The following RUNDC3A variants were observed in gnomAD, a reference collection of about 807,000 sequenced individuals.
RUNDC3A encodes RUN domain-containing protein 3A.
In RUNDC3A, 28 loss-of-function variants were observed where a neutral mutation model predicts 53.9. The observed-to-expected ratio is 0.52, with a 90% CI of 0.38 to 0.71. The LOEUF is 0.71. Among genes scored for constraint, RUNDC3A ranks in the 30% least tolerant of loss-of-function variants. RUNDC3A has a pLI of 0.00. For missense variants in RUNDC3A, 491 were observed against 597.3 expected, an observed-to-expected ratio of 0.82 and a Z score of 1.85; for synonymous variants, 232 against 249.4, an observed-to-expected ratio of 0.93 and a Z score of 0.66.
rs1021835050 is a variant in RUNDC3A, at chr17:44,308,889, G to A, written c.57G>A (p.Ala19=). Reference sequence around the variant, plus strand: ...CTCTGGGGCTGTCCTCCAAGAAAGCGTCCTCTCGCAACGTGGCTGTGGAGC... The same window carrying A: ...CTCTGGGGCTGTCCTCCAAGAAAGCATCCTCTCGCAACGTGGCTGTGGAGC... ...TMALGLSSKK[A]SSRNVAVERK... The change falls in exon 1 of 11, where the codon GCG becomes GCA. Residue 19 remains alanine (A), a synonymous_variant. Coordinates refer to ENST00000426726, the MANE Select transcript of RUNDC3A (RefSeq NM_001144825.2). 1 of 1,611,876 alleles carries A rather than the reference G, an allele frequency of 6.2e-7. No individual in the cohort carries two copies. Among genetic ancestry groups the A allele is most frequent in the Non-Finnish European group, 8.5e-7 (1 of 1,178,944 alleles).
At chr17:44,317,498 A>G in intron 10 of RUNDC3A, 1 of 780,886 alleles carries the variant, frequency 1.3e-6, no homozygotes, top group South Asian at 1.3e-5. Context: ...GCTCAGAGCC[A>G]AATTAGTGGC....
In RUNDC3A at chr17:44,308,857, A is replaced by T. The variant is rs1285107311; in HGVS notation, c.25A>T (p.Thr9Ser). 6 of 1,610,910 alleles carry T rather than the reference A, an allele frequency of 3.7e-6. No individual in the cohort carries two copies. Among genetic ancestry groups the T allele is most frequent in the African/African-American group, 1.3e-5 (1 of 74,770 alleles). Residue 9 changes from threonine (T) to serine (S), a missense_variant, in exon 1 of 11, where the codon ACC becomes TCC. Physicochemically the swap from Thr to Ser is moderately conservative, Grantham distance 58. This residue lies in a region of RUNDC3A where 273 missense variants were observed against 389.0 expected (regional missense o/e 0.70). Transcript: ENST00000426726. ...GATGGAAGCGAGCTTTGTCCAGACCACCATGGCTCTGGGGCTGTCCTCCAA... is the reference window on the plus strand; with the variant it reads ...GATGGAAGCGAGCTTTGTCCAGACCTCCATGGCTCTGGGGCTGTCCTCCAA... MEASFVQT[T>S]MALGLSSKKA...
chr17:44,308,751 C>T lies in RUNDC3A; in HGVS notation c.-82C>T. 3 of 945,738 alleles carry T rather than the reference C, an allele frequency of 3.2e-6. No individual in the cohort carries two copies. The highest frequency in any genetic ancestry group is 4.7e-6 in the Non-Finnish European group (3 of 642,266). 58.6% of individuals were successfully genotyped at this position (945,738 alleles called of 1,614,324 possible). ...GAGGGGCCCCGTCGGACAGAGGGCC[C>T]AGCCGTGATCCAGCGACGGGTTTGG... On this transcript the variant is annotated 5_prime_UTR_variant, in exon 1 of 11. An upstream open reading frame in the 5' UTR gains an earlier in-frame stop. Coordinates refer to ENST00000426726, the MANE Select transcript of RUNDC3A (RefSeq NM_001144825.2).
intron 10 of RUNDC3A, 21 bp from the exon 11 acceptor site, chr17:44,318,075 T>A (rs1275666830): frequency 1.0e-5 from 16 of 1,548,440 alleles, no homozygotes; most frequent in Admixed American, 2.0e-5. Context: ...TCGCTTGGCC[T>A]CACCTGCCCT....
intron 4 of RUNDC3A, 36 bp from the exon 5 acceptor site, chr17:44,314,699 G>A (rs2047821281): frequency 1.3e-6 from 2 of 1,566,326 alleles, no homozygotes; most frequent in Non-Finnish European, 1.7e-6. Flanking sequence ...CGCTCCAGGG[G>A]CCTGCTGCAT....
At chr17:44,317,387 A>G (rs917860494) in intron 10 of RUNDC3A, 5 of 767,404 alleles carry the variant, frequency 6.5e-6, no homozygotes, top group Middle Eastern at 2.3e-4. Flanking sequence ...GGGGGCTCAC[A>G]AACTCTCGGG....
Position 44,315,232 on chromosome 17 carries a change from C to G in RUNDC3A, c.707C>G (p.Pro236Arg). 8.4e-6 allele frequency: 13 copies of G among 1,551,294 alleles called. No homozygotes were observed. Among genetic ancestry groups the G allele is most frequent in the Non-Finnish European group, 1.1e-5 (13 of 1,147,114 alleles). The change falls in exon 7 of 11, where the codon CCG becomes CGG. Residue 236 changes from proline to arginine, a missense_variant. Pro to Arg is a moderately radical substitution (Grantham distance 103). This residue lies in a region of RUNDC3A where 273 missense variants were observed against 389.0 expected (regional missense o/e 0.70). Coordinates refer to ENST00000426726, the MANE Select transcript of RUNDC3A (RefSeq NM_001144825.2). This position sits in a 1 kb window ranked among gnomAD's most constrained non-coding sequence, Gnocchi z 6.1. Reference protein sequence around the residue: ...STSEDNSPEHPYLPLVTDEDS... With the variant: ...STSEDNSPEHRYLPLVTDEDS... ...AGCGAGGACAACTCGCCCGAGCACC[C>G]GTACCTCCCGCTCGTCACCGATGAG... is the stretch of plus-strand genomic sequence containing the variant.
rs983953885 is a variant in RUNDC3A, at chr17:44,315,360, G to A, written c.795+40G>A. 31 of 1,309,234 alleles carry A rather than the reference G, an allele frequency of 2.4e-5. No individual in the cohort carries two copies. In the African/African-American group the frequency reaches 4.2e-4, roughly 18 times the overall value. The allele number at this position is 1,309,234 out of a possible 1,614,324, so 81.1% of individuals were successfully genotyped here. A position where few individuals can be genotyped will look rare whatever the true frequency, so the allele number is the denominator to read the frequency against. On this transcript the variant is annotated intron_variant, in intron 7 of 10. Coordinates refer to ENST00000426726, the MANE Select transcript of RUNDC3A (RefSeq NM_001144825.2). This position sits in a 1 kb window ranked among gnomAD's most constrained non-coding sequence, Gnocchi z 6.1. ...CGGGCCCGGGGGGCGGGCGGGCCGG[G>A]CGGGGGATCCGGGCATCCCGGGGCG...
intron 10 of RUNDC3A, chr17:44,317,600 C>T: frequency 2.6e-6 from 2 of 774,810 alleles, no homozygotes; most frequent in South Asian, 2.7e-5. Flanking sequence ...CCTAGTTCTC[C>T]CTATGCCTGA....
chr17:44,317,664 A>T (rs571209556), intron 10 of RUNDC3A: 2 of 670,118 alleles, frequency 3.0e-6, no homozygotes. Context: ...ATGACCCTAG[A>T]TCTTCTTTGA....
intron 10 of RUNDC3A, chr17:44,317,884 A>G (rs1339958879): frequency 2.0e-5 from 12 of 595,916 alleles, no homozygotes; most frequent in Admixed American, 5.9e-5. Context: ...GGAGACAGAG[A>G]CATCAACTGA....
chr17:44,314,728 C>T lies in RUNDC3A; in HGVS notation c.459-7C>T, dbSNP rs766832455. On this transcript the variant is annotated splice_polypyrimidine_tract_variant and splice_region_variant and intron_variant, in intron 4 of 10. Transcript: ENST00000426726. ...GCTGCATCCTCTGGCCCTCTGCCTC[C>T]CCACAGACGGTTCTATGACTCTGGA... 3.1e-6 allele frequency: 5 copies of T among 1,611,312 alleles called. No individual in the cohort carries two copies. In the South Asian group the frequency reaches 5.5e-5, roughly 18 times the overall value.
intron 4 of RUNDC3A, 165 bp downstream of exon 4, chr17:44,313,668 A>G: frequency 7.6e-7 from 1 of 1,323,214 alleles, no homozygotes; most frequent in South Asian, 2.0e-5. Context: ...CTGCAGTCCC[A>G]GGACGAACTC....
Position 44,314,814 on chromosome 17 carries a change from A to G in RUNDC3A, c.538A>G (p.Ile180Val), listed in dbSNP as rs780922444. The change falls in exon 5 of 11, where the codon ATC becomes GTC. Residue 180 changes from isoleucine to valine, a missense_variant. Ile to Val is a conservative substitution (Grantham distance 29). Around this residue, in one of 2 missense-constraint regions of RUNDC3A, gnomAD observed 273 missense variants for 389.0 expected, o/e 0.70. Coordinates refer to ENST00000426726, the MANE Select transcript of RUNDC3A (RefSeq NM_001144825.2). ...CGGAATGCTGATCGGACTGAGCGCC[A>G]TCGACTTCAGGTGGGGTCTGCCTGA... Reference protein sequence around the residue: ...LTGMLIGLSAIDFSFCLKGEV... With the variant: ...LTGMLIGLSAVDFSFCLKGEV... 4 of 1,613,870 alleles carry G rather than the reference A, an allele frequency of 2.5e-6. No homozygotes were observed. The highest frequency in any genetic ancestry group is 3.3e-5 in the Admixed American group (2 of 60,008).
rs2047782994 is a variant in RUNDC3A, at chr17:44,313,142, G to C, written c.262G>C (p.Asp88His). 6.2e-7 allele frequency: 1 copy of C among 1,613,978 alleles called. No individual in the cohort carries two copies. Among genetic ancestry groups the C allele is most frequent in the Non-Finnish European group, 8.5e-7 (1 of 1,179,924 alleles). Residue 88 changes from aspartate (D) to histidine (H), a missense_variant, in exon 3 of 11, where the codon GAC (aspartate) becomes CAC (histidine). Physicochemically the swap from Asp to His is moderately conservative, Grantham distance 81. Transcript: ENST00000426726. ...AGGTCCAGTGAGCTGGTTCAGCTCA[G>C]ACGGGCAGCGGGGCTTTTGGGACTA... is the stretch of plus-strand genomic sequence containing the variant. ...PAGPVSWFSS[D>H]GQRGFWDYIR...
Position 44,315,992 on chromosome 17 carries a change from C to A in RUNDC3A, c.953+383C>A, listed in dbSNP as rs949011665. On this transcript the variant is annotated intron_variant, in intron 8 of 10. Transcript: ENST00000426726. This position sits in a 1 kb window ranked among gnomAD's most constrained non-coding sequence, Gnocchi z 6.1. ...CACAGGCTCACTGACCGTCATCATC[C>A]GCCGTGACCCCCGACCTCACCCCTG... 6.6e-6 allele frequency among the ~76,000 whole-genome samples: 1 copy of A among 152,074 alleles called. No individual in the cohort carries two copies. The highest frequency in any genetic ancestry group is 2.1e-4 in the South Asian group (1 of 4,826).
intron 2 of RUNDC3A, 125 bp from the exon 3 acceptor site, chr17:44,312,979 G>A (rs1432836865): frequency 6.7e-6 from 7 of 1,047,650 alleles, no homozygotes; most frequent in Middle Eastern, 3.1e-4. Flanking sequence ...CACTGCACAC[G>A]TGCATGTGTG....
At chr17:44,313,602 T>C in intron 4 of RUNDC3A, 99 bp downstream of exon 4, 1 of 1,477,232 alleles carries the variant, frequency 6.8e-7, no homozygotes, top group Non-Finnish European at 9.0e-7. Context: ...CTTCAGTTCC[T>C]GGACTACAAG....
At position 44,315,314 on chromosome 17, in the gene RUNDC3A, G is replaced by T. The variant is rs1205385528; in HGVS notation, c.789G>T (p.Ala263=). 1 of 1,443,966 alleles carries T rather than the reference G, an allele frequency of 6.9e-7. No homozygotes were observed. The allele number at this position is 1,443,966 out of a possible 1,614,324, so 89.4% of individuals were successfully genotyped here. Residue 263 remains alanine, a synonymous_variant, in exon 7 of 11, where the codon GCG becomes GCT. Coordinates refer to ENST00000426726, the MANE Select transcript of RUNDC3A (RefSeq NM_001144825.2). This position sits in a 1 kb window ranked among gnomAD's most constrained non-coding sequence, Gnocchi z 6.1. The stretch of plus-strand genomic sequence containing the variant: ...AGCAGAAGTTCCGCATCGTCTACGC[G>T]CAGAAGGTGCGCGACGCCGGCGGGC... The part of the protein sequence containing the change: ...KMEQKFRIVY[A]QKGYLEELVR...
Sources: allele counts gnomAD v4.1 joint callset (sites outside exome capture counted in the v4.1 genomes callset), GRCh38; gene constraint gnomAD v4.1.1; regional missense constraint gnomAD v4.1.1; non-coding constraint Gnocchi (gnomAD v3.1); transcripts MANE v1.5; gene names NCBI Gene and HGNC (gene_info 2026-07-23, HGNC 2026-07-21).